The following WDR41 variants were observed in gnomAD, a reference collection of about 807,000 sequenced individuals.
WDR41 encodes WD repeat domain 41.
A neutral mutation model predicts 69.3 loss-of-function variants in WDR41; 63 were observed. That is an observed-to-expected ratio of 0.91 (90% CI 0.74 to 1.12). The LOEUF (loss-of-function observed/expected upper bound fraction) is 1.12, where lower values mean the gene tolerates loss of function less well. Ranked by LOEUF, WDR41 falls within the 50% of genes most tolerant of loss-of-function variation. The pLI, the probability that WDR41 is intolerant of heterozygous loss-of-function variation, is 0.00. For synonymous variants in WDR41, 185 were observed against 192.1 expected (o/e 0.96, Z 0.31); for missense variants, 543 against 534.5 (o/e 1.02, Z -0.16).
chr5:77,560,261 G>C (rs1743499594), intron 1 of WDR41, among the ~76,000 whole-genome samples: 1 of 152,170 alleles, frequency 6.6e-6, no homozygotes, highest in Non-Finnish European at 1.5e-5. Flanking sequence ...TAGCCCATCA[G>C]ATGTTAACAA....
chr5:77,582,309 A>G lies in WDR41; in HGVS notation c.42+38170T>C, dbSNP rs1273606705. The G allele has an allele frequency of 4.5e-5, 64 of 1,428,270 alleles. 2 individuals carry two copies. The South Asian group carries it at 7.1e-4, about 16-fold the overall frequency. 88.5% of individuals were successfully genotyped at this position (1,428,270 alleles called of 1,614,324 possible). On this transcript the variant is annotated intron_variant, in intron 1 of 5. Coordinates refer to the WDR41 transcript ENST00000509971. ...CAGCAAGAAAGTAGACAATATGCAT[A>G]GATATATAACAAGTTAACAAGTGCA...
intron 1 of WDR41, among the ~76,000 whole-genome samples, chr5:77,490,602 A>AC (rs992279719): frequency 7.5e-5 from 11 of 147,632 alleles, no homozygotes; most frequent in African/African-American, 2.8e-4. Context: ...CAAAAAAAAA[A>AC]CCACCACCAC....
intron 1 of WDR41, among the ~76,000 whole-genome samples, chr5:77,541,724 C>A (rs1292868876): frequency 6.8e-6 from 1 of 146,380 alleles, no homozygotes; most frequent in African/African-American, 2.7e-5. Context: ...AACTCCTGAC[C>A]TCAGGTGATC....
rs1561724348 is a variant in WDR41 at position 77,436,345 on chromosome 5, TTGGC to T, written c.1139_1142del (p.Ser380AsnfsTer21). 6.2e-7 allele frequency: 1 copy of T among 1,614,088 alleles called. No individual in the cohort carries two copies. The highest frequency in any genetic ancestry group is 1.1e-5 in the South Asian group (1 of 91,074). On this transcript the variant is annotated frameshift_variant, in exon 12 of 13. Coordinates refer to ENST00000296679, the MANE Select transcript of WDR41 (RefSeq NM_018268.4). LOFTEE classifies it high-confidence loss of function. ...CATTTTCTTGCTGCTTTTTAACAGG[TTGGC>T]TGGCTTGTTTGCTGACTCTTCCAAA... is the stretch of plus-strand genomic sequence containing the variant.
intron 1 of WDR41, chr5:77,545,616 T>G: frequency 2.7e-6 from 1 of 369,980 alleles, no homozygotes; most frequent in Non-Finnish European, 4.9e-6. Flanking sequence ...TGGAGATCTA[T>G]CTCTTCTCCC....
At chr5:77,557,456 G>C (rs1022076991) in intron 1 of WDR41, among the ~76,000 whole-genome samples, 1 of 152,182 alleles carries the variant, frequency 6.6e-6, no homozygotes, top group Non-Finnish European at 1.5e-5. Context: ...ATTTCACAAA[G>C]AGGTGGCAGA....
chr5:77,460,076 T>C (rs1284774306), intron 4 of WDR41, among the ~76,000 whole-genome samples: 1 of 152,180 alleles, frequency 6.6e-6, no homozygotes, highest in African/African-American at 2.4e-5. Context: ...TGTGATCTTA[T>C]AGCTGACTAG....
intron 1 of WDR41, among the ~76,000 whole-genome samples, chr5:77,584,340 C>A: frequency 6.6e-6 from 1 of 151,972 alleles, no homozygotes; most frequent in Admixed American, 6.6e-5. Context: ...GTAGGAAATC[C>A]TAAGGGATAC....
chr5:77,597,059 G>A (rs2112317452), intron 1 of WDR41, among the ~76,000 whole-genome samples: 1 of 152,062 alleles, frequency 6.6e-6, no homozygotes, highest in Non-Finnish European at 1.5e-5. Flanking sequence ...GGAGGTTGAG[G>A]CTGCAGTGAG....
chr5:77,596,100 C>A (rs184990401), intron 1 of WDR41, among the ~76,000 whole-genome samples: 18 of 152,276 alleles, frequency 1.2e-4, no homozygotes, highest in Admixed American at 3.3e-4. Flanking sequence ...GTAAGACCAT[C>A]CTTAATTTTG....
intron 1 of WDR41, among the ~76,000 whole-genome samples, chr5:77,597,964 T>C (rs1450615177): frequency 1.3e-5 from 2 of 152,338 alleles, no homozygotes; most frequent in East Asian, 3.9e-4. Flanking sequence ...GTTAGAATCC[T>C]GGTCCCAGCA....
chr5:77,588,198 T>C (rs970079901), intron 1 of WDR41, among the ~76,000 whole-genome samples: 2 of 152,226 alleles, frequency 1.3e-5, no homozygotes, highest in African/African-American at 2.4e-5. Flanking sequence ...GTCATATATA[T>C]GCATTATACA....
chr5:77,610,229 C>A (rs1320905137), intron 1 of WDR41, among the ~76,000 whole-genome samples: 6 of 152,110 alleles, frequency 3.9e-5, no homozygotes, highest in Non-Finnish European at 7.4e-5. Context: ...TTGGAAAACA[C>A]TGCAGGATAT....
intron 1 of WDR41, among the ~76,000 whole-genome samples, chr5:77,592,835 C>A (rs543232667): frequency 1.2e-3 from 186 of 152,300 alleles, no homozygotes; most frequent in Admixed American, 2.4e-3. Flanking sequence ...GTATGGAGAA[C>A]CCTTGTGATT....
chr5:77,531,831 A>G (rs1802532945), intron 1 of WDR41, among the ~76,000 whole-genome samples: 1 of 152,022 alleles, frequency 6.6e-6, no homozygotes, highest in African/African-American at 2.4e-5. Flanking sequence ...ACATTATGCT[A>G]AGTAAAAGAA....
chr5:77,586,571 G>T (rs1744042703), intron 1 of WDR41, among the ~76,000 whole-genome samples: 1 of 152,014 alleles, frequency 6.6e-6, no homozygotes, highest in South Asian at 2.1e-4. Flanking sequence ...CTCTCAAAGT[G>T]CTGGGATTTA....
intron 1 of WDR41, among the ~76,000 whole-genome samples, chr5:77,498,324 G>A (rs1801964247): frequency 6.7e-6 from 1 of 149,930 alleles, no homozygotes; most frequent in Admixed American, 6.6e-5. Context: ...ACATATATAT[G>A]GATAACTGAT....
At chr5:77,489,343 G>A (rs895714881) in intron 2 of WDR41, 114 bp downstream of exon 2, 6 of 538,354 alleles carry the variant, frequency 1.1e-5, no homozygotes, top group African/African-American at 9.9e-5. Flanking sequence ...TGTTACTAAT[G>A]ATCACAGTTT....
At chr5:77,618,680 G>C (rs1416204994) in intron 1 of WDR41, among the ~76,000 whole-genome samples, 1 of 152,124 alleles carries the variant, frequency 6.6e-6, no homozygotes, top group South Asian at 2.1e-4. Flanking sequence ...GCCTAAACAC[G>C]TTTTTTGATG....
Sources: gnomAD v4.1 joint callset for allele counts (sites outside exome capture counted in the v4.1 genomes callset) on GRCh38, gnomAD v4.1.1 for gene constraint, MANE v1.5 for transcripts, NCBI Gene and HGNC (gene_info 2026-07-23, HGNC 2026-07-21) for gene names.